The following GNB5 variants were observed in gnomAD, a reference collection of about 807,000 sequenced individuals.
GNB5 encodes G protein subunit beta 5.
Under a neutral mutation model 55.3 loss-of-function variants are expected in GNB5, and 37 were observed. The observed-to-expected ratio is 0.67, with a 90% CI of 0.51 to 0.88. The LOEUF (loss-of-function observed/expected upper bound fraction) is 0.88, where lower values mean the gene tolerates loss of function less well. GNB5 is among the 40% of genes least tolerant of loss of function. The pLI, the probability that GNB5 is intolerant of heterozygous loss-of-function variation, is 0.00. For synonymous variants in GNB5, 219 were observed against 198.5 expected (o/e 1.10, Z -0.87); for missense variants, 476 against 515.3 (o/e 0.92, Z 0.74).
intron 12 of GNB5, 31 bp from the exon 13 acceptor site, chr15:52,122,799 C>A: frequency 6.3e-7 from 1 of 1,578,302 alleles, no homozygotes; most frequent in Middle Eastern, 1.7e-4. Context: ...AGTTTTTAGA[C>A]CTTTGTAGTT....
At chr15:52,134,786 C>A (rs1168797505) in intron 8 of GNB5, among the ~76,000 whole-genome samples, 1 of 152,220 alleles carries the variant, frequency 6.6e-6, no homozygotes, top group South Asian at 2.1e-4. Context: ...CTCACCACTG[C>A]CTCCTGACGG....
At chr15:52,150,587 C>G (rs2034071617) in intron 4 of GNB5, among the ~76,000 whole-genome samples, 1 of 152,224 alleles carries the variant, frequency 6.6e-6, no homozygotes, top group Admixed American at 6.5e-5. Context: ...TGGTGGGAAC[C>G]CCTGTGGGCA....
Position 52,117,102 on chromosome 15 carries a change from A to ATTTTTTTTTTTTT in GNB5, c.*5654_*5655insAAAAAAAAAAAAA, listed in dbSNP as rs977627428. On this transcript the variant is annotated 3_prime_UTR_variant, in exon 13 of 13. Transcript: ENST00000261837. Reference sequence around the variant, plus strand: ...CCACGCCCAGCTAATATATATATATATTTTTTTTTAGTACAGACAGGGTTT... The same window carrying ATTTTTTTTTTTTT: ...CCACGCCCAGCTAATATATATATATATTTTTTTTTTTTTTTTTTTTTTAGTACAGACAGGGTTT... The ATTTTTTTTTTTTT allele has an allele frequency of 1.1e-5, 1 of 87,102 alleles. No homozygotes were observed. Among genetic ancestry groups the ATTTTTTTTTTTTT allele is most frequent in the Non-Finnish European group, 2.2e-5 (1 of 46,204 alleles). 5.4% of individuals were successfully genotyped at this position (87,102 alleles called of 1,614,324 possible).
At position 52,185,792 on chromosome 15, in the gene GNB5, A is replaced by ATTATTATTT. The variant is rs1195279102; in HGVS notation, c.-18-1099_-18-1098insAAATAATAA. ...TATTATTATTATTATTATTATTATT[A>ATTATTATTT]TTATTTGGGACAGTATCTCTCTGTC... On this transcript the variant is annotated intron_variant, in intron 1 of 12. Transcript: ENST00000261837. 1.4e-4 allele frequency among the ~76,000 whole-genome samples: 20 copies of ATTATTATTT among 143,336 alleles called. No homozygotes were observed. In the East Asian group the frequency reaches 2.8e-3, roughly 20 times the overall value. 94.0% of individuals were successfully genotyped at this position (143,336 alleles called of 152,430 possible).
chr15:52,134,485 A>G (rs989415394), intron 8 of GNB5, among the ~76,000 whole-genome samples: 18 of 152,214 alleles, frequency 1.2e-4, no homozygotes, highest in Admixed American at 5.9e-4. Flanking sequence ...AGGACACTCA[A>G]TTGGATGCAG....
chr15:52,129,933 G>T (rs777619277), intron 9 of GNB5, among the ~76,000 whole-genome samples: 1 of 152,136 alleles, frequency 6.6e-6, no homozygotes. Context: ...TTTTTCCTGG[G>T]CAGGTGGCAG....
chr15:52,124,799 C>T lies in GNB5; in HGVS notation c.1010-160G>A, dbSNP rs560619554. The stretch of plus-strand genomic sequence containing the variant: ...GATTCAAAGGGGAGAAAGCACAGTC[C>T]CTGTCCCTGTTGGAGGATGTGGGGC... On this transcript the variant is annotated intron_variant, in intron 11 of 12. Coordinates refer to ENST00000261837, the MANE Select transcript of GNB5 (RefSeq NM_016194.4). 142 of 618,758 alleles carry T rather than the reference C, an allele frequency of 2.3e-4. 2 individuals carry two copies. The South Asian group carries it at 2.8e-3, about 12-fold the overall frequency. The allele number at this position is 618,758 out of a possible 1,614,324, so 38.3% of individuals were successfully genotyped here.
At chr15:52,190,674 A>G (rs986090452) in intron 1 of GNB5, among the ~76,000 whole-genome samples, 3 of 151,854 alleles carry the variant, frequency 2.0e-5, no homozygotes, top group African/African-American at 7.3e-5. Context: ...TAACCACTGT[A>G]GAAAACTGGT....
At chr15:52,188,140 T>G (rs547434263) in intron 1 of GNB5, among the ~76,000 whole-genome samples, 1 of 152,272 alleles carries the variant, frequency 6.6e-6, no homozygotes, top group South Asian at 2.1e-4. Context: ...CATATACTAC[T>G]TTATATAATA....
At chr15:52,134,593 G>A (rs2033655114) in intron 8 of GNB5, among the ~76,000 whole-genome samples, 1 of 152,096 alleles carries the variant, frequency 6.6e-6, no homozygotes, top group Non-Finnish European at 1.5e-5. Flanking sequence ...TGATACCAAG[G>A]CACAGGGTTG....
rs1000568789 is a variant in GNB5, at chr15:52,115,529, G to T, written c.*7228C>A. On this transcript the variant is annotated 3_prime_UTR_variant, in exon 13 of 13. Transcript: ENST00000261837. ...CACAGTAAAAGGTTGTCACTCCACA[G>T]AAACTTTTATTTGTAAATGGTAAAT... is the stretch of plus-strand genomic sequence containing the variant. 1.3e-5 allele frequency: 2 copies of T among 152,160 alleles called. No individual in the cohort carries two copies. The highest frequency in any genetic ancestry group is 2.4e-5 in the African/African-American group (1 of 41,440). 9.4% of individuals were successfully genotyped at this position (152,160 alleles called of 1,614,324 possible).
Position 52,119,234 on chromosome 15 carries a change from G to T in GNB5, c.*3523C>A, listed in dbSNP as rs1291492301. 2.3e-5 allele frequency: 3 copies of T among 131,022 alleles called. No individual in the cohort carries two copies. Among genetic ancestry groups the T allele is most frequent in the African/African-American group, 9.1e-5 (3 of 33,002 alleles). The allele number at this position is 131,022 out of a possible 1,614,324, so 8.1% of individuals were successfully genotyped here. The stretch of plus-strand genomic sequence containing the variant: ...AAAGGAGTCCGGATGAATGAGGAGA[G>T]GGGGAGGGGGCAGAGAAGAGGAAAG... On this transcript the variant is annotated 3_prime_UTR_variant, in exon 13 of 13. Coordinates refer to ENST00000261837, the MANE Select transcript of GNB5 (RefSeq NM_016194.4).
At position 52,121,500 on chromosome 15, in the gene GNB5, ATCT is replaced by A. The variant is rs938155173; in HGVS notation, c.*1254_*1256del. ...ATTCTGAGTCTCAAATAAAGAGAAGATCTTCTTTTAATATCGTTTTTCTATGTA... is the reference window on the plus strand; with the variant it reads ...ATTCTGAGTCTCAAATAAAGAGAAGATCTTTTAATATCGTTTTTCTATGTA... On this transcript the variant is annotated 3_prime_UTR_variant, in exon 13 of 13. Transcript: ENST00000261837. 2.1e-4 allele frequency: 19 copies of A among 92,482 alleles called. No homozygotes were observed. Among genetic ancestry groups the A allele is most frequent in the African/African-American group, 7.9e-4 (18 of 22,780 alleles). The allele number at this position is 92,482 out of a possible 1,614,324, so 5.7% of individuals were successfully genotyped here.
rs78023705 is a variant in GNB5, at chr15:52,172,798, G to A, written c.238+6970C>T. On this transcript the variant is annotated intron_variant, in intron 3 of 12. Transcript: ENST00000261837. ...GTAAATGTATAGATGGGTATAAAAT[G>A]AAAAGCACCTTCACTTTCCATACCC... 2.5e-3 allele frequency among the ~76,000 whole-genome samples: 380 copies of A among 152,188 alleles called. 3 individuals carry two copies. The highest frequency in any genetic ancestry group is 5.6e-3 in the Admixed American group (86 of 15,272).
chr15:52,184,403 G>C lies in GNB5; in HGVS notation c.126+148C>G, dbSNP rs936749744. 77 of 630,958 alleles carry C rather than the reference G, an allele frequency of 1.2e-4. No individual in the cohort carries two copies. The South Asian group carries it at 1.4e-3, about 12-fold the overall frequency. The allele number at this position is 630,958 out of a possible 1,614,324, so 39.1% of individuals were successfully genotyped here. A position where few individuals can be genotyped will look rare whatever the true frequency, so the allele number is the denominator to read the frequency against. On this transcript the variant is annotated intron_variant, in intron 2 of 12. Coordinates refer to ENST00000261837, the MANE Select transcript of GNB5 (RefSeq NM_016194.4). ...AGTCAGACACCAGAGTCCACACCCT[G>C]AACCTCTGTACTATACTGCCTCACC... is the stretch of plus-strand genomic sequence containing the variant.
intron 7 of GNB5, chr15:52,137,681 G>A: frequency 8.4e-7 from 1 of 1,185,124 alleles, no homozygotes; most frequent in Non-Finnish European, 1.1e-6. Context: ...TGAGGCCTGG[G>A]CTCTGGCTGA....
At chr15:52,186,806 G>T (rs181166342) in intron 1 of GNB5, among the ~76,000 whole-genome samples, 1 of 152,294 alleles carries the variant, frequency 6.6e-6, no homozygotes, top group Admixed American at 6.5e-5. Flanking sequence ...CCCACCCTGG[G>T]GCTGGAGAGA....
intron 4 of GNB5, among the ~76,000 whole-genome samples, chr15:52,152,435 T>C (rs894224036): frequency 6.6e-6 from 1 of 150,858 alleles, no homozygotes; most frequent in African/African-American, 2.4e-5. Flanking sequence ...GCGATTCTCC[T>C]GCCTCAGCCT....
At chr15:52,154,497 T>C (rs2141215664) in intron 3 of GNB5, among the ~76,000 whole-genome samples, 1 of 152,288 alleles carries the variant, frequency 6.6e-6, no homozygotes, top group South Asian at 2.1e-4. Context: ...TCAGAGAGGT[T>C]ATCTGGTTAA....
Sources: allele counts gnomAD v4.1 joint callset (sites outside exome capture counted in the v4.1 genomes callset), GRCh38; gene constraint gnomAD v4.1.1; transcripts MANE v1.5; gene names NCBI Gene and HGNC (gene_info 2026-07-23, HGNC 2026-07-21).